The following ERBB4 variants were observed in gnomAD, a reference collection of about 807,000 sequenced individuals.
The protein encoded by ERBB4 is erb-b2 receptor tyrosine kinase 4.
ERBB4 carries 42 observed loss-of-function variants against 158.0 expected under a neutral mutation model. That is an observed-to-expected ratio of 0.27 (90% CI 0.21 to 0.34). The LOEUF is 0.34. ERBB4 is among the 10% of genes least tolerant of loss of function. ERBB4 has a pLI of 1.00. For synonymous variants in ERBB4, 583 were observed against 558.7 expected, an observed-to-expected ratio of 1.04 and a Z score of -0.61; for missense variants, 1,333 against 1,624.1, an observed-to-expected ratio of 0.82 and a Z score of 3.08.
chr2:212,147,958 T>C (rs146294280), intron 1 of ERBB4, among the ~76,000 whole-genome samples: 221 of 152,316 alleles, frequency 1.5e-3, no homozygotes, highest in African/African-American at 5.1e-3. Flanking sequence ...ATTGGCCTAA[T>C]AATCACTGTA....
At chr2:211,689,550 T>A (rs548130506) in intron 12 of ERBB4, among the ~76,000 whole-genome samples, 1 of 152,280 alleles carries the variant, frequency 6.6e-6, no homozygotes, top group African/African-American at 2.4e-5. Flanking sequence ...AAAAGTAGAA[T>A]ATGAATGACT....
chr2:212,410,020 AT>A (rs2091452494), intron 1 of ERBB4, among the ~76,000 whole-genome samples: 1 of 152,070 alleles, frequency 6.6e-6, no homozygotes, highest in African/African-American at 2.4e-5. Flanking sequence ...AAACTCAAAG[AT>A]TGTTAGATAT....
chr2:212,428,681 A>G (rs1171498734), intron 1 of ERBB4, among the ~76,000 whole-genome samples: 1 of 152,220 alleles, frequency 6.6e-6, no homozygotes, highest in Non-Finnish European at 1.5e-5. Context: ...TCTTATCACA[A>G]TAAAATAAAA....
intron 19 of ERBB4, among the ~76,000 whole-genome samples, chr2:211,580,882 T>TGTAG (rs2068077349): frequency 3.8e-4 from 1 of 2,628 alleles, no homozygotes; most frequent in Non-Finnish European, 7.7e-4. Flanking sequence ...TATATATATA[T>TGTAG]ATATATATAT....
At chr2:212,194,605 G>T (rs1052534376) in intron 1 of ERBB4, among the ~76,000 whole-genome samples, 1 of 151,990 alleles carries the variant, frequency 6.6e-6, no homozygotes, top group African/African-American at 2.4e-5. Flanking sequence ...AACCTATTCA[G>T]AATGCTTATT....
At chr2:211,716,659 G>C (rs1467236031) in intron 7 of ERBB4, among the ~76,000 whole-genome samples, 2 of 151,658 alleles carry the variant, frequency 1.3e-5, no homozygotes, top group East Asian at 1.9e-4. Flanking sequence ...CTGGGCGACA[G>C]AGCGAGACTC....
chr2:212,454,608 T>G (rs1356485590), intron 1 of ERBB4, among the ~76,000 whole-genome samples: 1 of 152,244 alleles, frequency 6.6e-6, no homozygotes, highest in Admixed American at 6.5e-5. Context: ...AGCTTAATGA[T>G]TCCCATAAGT....
chr2:212,285,028 T>C (rs1157426597), intron 1 of ERBB4, among the ~76,000 whole-genome samples: 2 of 152,094 alleles, frequency 1.3e-5, no homozygotes, highest in Non-Finnish European at 2.9e-5. Context: ...TGTAATTTGA[T>C]AGCTCAAAAC....
intron 15 of ERBB4, among the ~76,000 whole-genome samples, chr2:211,662,038 CAAAAAAAAAAAAAAAAAAAAAAAAAA>C (rs61318918): frequency 2.8e-4 from 11 of 39,708 alleles, no homozygotes; most frequent in South Asian, 2.5e-3. Flanking sequence ...GACTCCGTCT[CAAAAAAAAAAAAAAAAAAAAAAAAAA>C]AAAAAAAAAA....
chr2:211,523,643 G>A (rs1391381967), intron 20 of ERBB4, among the ~76,000 whole-genome samples: 4 of 151,934 alleles, frequency 2.6e-5, no homozygotes, highest in Admixed American at 6.5e-5. Context: ...TCCTCCCGGT[G>A]GGCTCGTGGT....
At chr2:211,795,806 G>A (rs2076371575) in intron 3 of ERBB4, among the ~76,000 whole-genome samples, 2 of 151,798 alleles carry the variant, frequency 1.3e-5, no homozygotes, top group South Asian at 4.1e-4. Flanking sequence ...ACAGCTAGGT[G>A]CATGGAAGGA....
chr2:212,482,417 T>G (rs1208009799), intron 1 of ERBB4, among the ~76,000 whole-genome samples: 1 of 152,224 alleles, frequency 6.6e-6, no homozygotes, highest in Admixed American at 6.5e-5. Flanking sequence ...GATAGTATTT[T>G]AGAATTATTT....
chr2:212,233,058 A>G (rs1310663685), intron 1 of ERBB4, among the ~76,000 whole-genome samples: 1 of 152,192 alleles, frequency 6.6e-6, no homozygotes, highest in Non-Finnish European at 1.5e-5. Context: ...AAGAAGATAC[A>G]AGTTGGGTAG....
chr2:211,541,091 T>C (rs1278065596), intron 20 of ERBB4, among the ~76,000 whole-genome samples: 1 of 151,968 alleles, frequency 6.6e-6, no homozygotes, highest in African/African-American at 2.4e-5. Context: ...GCCATTTCCT[T>C]TTCGGGGGAA....
chr2:212,445,290 C>T (rs2092325975), intron 1 of ERBB4, among the ~76,000 whole-genome samples: 1 of 152,044 alleles, frequency 6.6e-6, no homozygotes, highest in Admixed American at 6.6e-5. Context: ...ATTCACGGGT[C>T]CAGGAATCAA....
At chr2:211,779,373 C>T (rs1240633727) in intron 4 of ERBB4, 1 of 152,188 alleles carries the variant, frequency 6.6e-6, no homozygotes, top group African/African-American at 2.4e-5. Flanking sequence ...TATGTCCTAT[C>T]AATAGGAGCA....
At chr2:212,447,123 A>G (rs1240976307) in intron 1 of ERBB4, among the ~76,000 whole-genome samples, 6 of 151,690 alleles carry the variant, frequency 4.0e-5, no homozygotes, top group Admixed American at 3.9e-4. Flanking sequence ...CAGCCTCCCA[A>G]GTAGCTGGGA....
chr2:211,933,152 C>T (rs2080222306), intron 3 of ERBB4, among the ~76,000 whole-genome samples: 1 of 152,012 alleles, frequency 6.6e-6, no homozygotes, highest in Non-Finnish European at 1.5e-5. Context: ...TTTCCCTGAG[C>T]ACCATAGGAC....
chr2:212,374,778 T>C (rs1394795), intron 1 of ERBB4, among the ~76,000 whole-genome samples: 7,932 of 152,026 alleles, frequency 0.052, 247 homozygotes, highest in Non-Finnish European at 0.074. Context: ...AAATTGCATA[T>C]GATTTGGGGC....
Sources: gnomAD v4.1 joint callset for allele counts (sites outside exome capture counted in the v4.1 genomes callset) on GRCh38, gnomAD v4.1.1 for gene constraint, MANE v1.5 for transcripts, NCBI Gene and HGNC (gene_info 2026-07-23, HGNC 2026-07-21) for gene names.